DOP1B: variants seen among roughly 807,000 people sequenced by gnomAD.
DOP1B encodes the protein DOP1 leucine zipper like protein B, also known as protein DOP1B.
Under a neutral mutation model 233.5 loss-of-function variants are expected in DOP1B, and 174 were observed. The ratio of observed to expected loss-of-function variants is 0.75; its 90% CI spans 0.66 to 0.85. The LOEUF is 0.85. Among genes scored for constraint, DOP1B ranks in the 40% least tolerant of loss-of-function variants. The probability of loss-of-function intolerance (pLI) is 0.00; values close to 1 mark genes in which losing one functional copy is unlikely to be tolerated. For synonymous variants in DOP1B, 1,190 were observed against 1,185.6 expected, an observed-to-expected ratio of 1.00 and a Z score of -0.08; for missense variants, 2,652 against 2,846.6, an observed-to-expected ratio of 0.93 and a Z score of 1.56.
intron 12 of DOP1B, among the ~76,000 whole-genome samples, chr21:36,227,053 A>G (rs2066694079): frequency 6.6e-6 from 1 of 151,310 alleles, no homozygotes; most frequent in East Asian, 2.0e-4. Context: ...AAAAAAATAC[A>G]AAAAGTTAGC....
intron 21 of DOP1B, 122 bp from the exon 22 acceptor site, chr21:36,251,037 CACA>C (rs2067026715): frequency 2.2e-6 from 3 of 1,344,466 alleles, no homozygotes; most frequent in Non-Finnish European, 3.0e-6. Flanking sequence ...AGCACCTCAG[CACA>C]ACATTGGGCA....
Position 36,290,238 on chromosome 21 carries a change from G to C in DOP1B, c.6515+1032G>C, listed in dbSNP as rs1191189110. The stretch of plus-strand genomic sequence containing the variant: ...AAGTCTTTTAGTTTTTAAAAAGCAG[G>C]TTTGGGCCGGACGTGGTGTCTCATA... On this transcript the variant is annotated intron_variant, in intron 35 of 36. Coordinates refer to ENST00000691173, the MANE Select transcript of DOP1B (RefSeq NM_001320714.2). Among the ~76,000 whole-genome samples, 9 of 152,226 alleles carry C rather than the reference G, an allele frequency of 5.9e-5. No homozygotes were observed. The South Asian group carries it at 1.9e-3, about 31-fold the overall frequency.
At chr21:36,238,817 A>G (rs2066856994) in intron 17 of DOP1B, 116 bp downstream of exon 17, 2 of 989,754 alleles carry the variant, frequency 2.0e-6, no homozygotes, top group Admixed American at 2.0e-5. Flanking sequence ...ACATGAACCC[A>G]TATGACCGGG....
chr21:36,287,600 T>TTTTTC, intron 32 of DOP1B, among the ~76,000 whole-genome samples: 1 of 143,820 alleles, frequency 7.0e-6, no homozygotes, highest in Non-Finnish European at 1.5e-5. Flanking sequence ...TTTTTTTTTT[T>TTTTTC]TTTTGAGATG....
chr21:36,292,601 T>C (rs1415071761), intron 36 of DOP1B, among the ~76,000 whole-genome samples: 1 of 147,038 alleles, frequency 6.8e-6, no homozygotes, highest in Non-Finnish European at 1.5e-5. Context: ...TTTTGTTTTT[T>C]TGTTTTTGGG....
intron 2 of DOP1B, among the ~76,000 whole-genome samples, chr21:36,167,603 G>A (rs1261711437): frequency 6.6e-6 from 1 of 152,130 alleles, no homozygotes; most frequent in Non-Finnish European, 1.5e-5. Flanking sequence ...CAGTTAAGTG[G>A]CCTTTAGTAT....
chr21:36,211,491 C>CT, intron 5 of DOP1B, 62 bp from the exon 6 acceptor site: 1 of 1,481,640 alleles, frequency 6.7e-7, no homozygotes, highest in Non-Finnish European at 9.4e-7. Flanking sequence ...GGAAAGGTTA[C>CT]TTTCGTTTTT....
At position 36,293,723 on chromosome 21, in the gene DOP1B, C is replaced by T; in HGVS notation, c.*152C>T. ...TCAGGCTAGGTGCGGTGGCTCACAC[C>T]TGTAATCTCAGCACTTTGGGAGGCC... On this transcript the variant is annotated 3_prime_UTR_variant, in exon 37 of 37. Transcript: ENST00000691173. 1 of 847,442 alleles carries T rather than the reference C, an allele frequency of 1.2e-6. No homozygotes were observed. The highest frequency in any genetic ancestry group is 1.8e-6 in the Non-Finnish European group (1 of 553,702). 52.5% of individuals were successfully genotyped at this position (847,442 alleles called of 1,614,324 possible). A position where few individuals can be genotyped will look rare whatever the true frequency, so the allele number is the denominator to read the frequency against.
In DOP1B at chr21:36,245,311, G is replaced by A. The variant is rs756941986; in HGVS notation, c.3331G>A (p.Glu1111Lys). The change falls in exon 19 of 37, where the codon GAG becomes AAG. Residue 1111 changes from glutamate to lysine, a missense_variant. Physicochemically the swap from Glu to Lys is moderately conservative, Grantham distance 56. Coordinates refer to ENST00000691173, the MANE Select transcript of DOP1B (RefSeq NM_001320714.2). The surrounding 1 kb of genome is among the most constrained non-coding windows in gnomAD (Gnocchi z 5.5). The stretch of plus-strand genomic sequence containing the variant: ...CGCCCCGGACAGCAGCGAGCACACC[G>A]AGTCTGCAGATACAAGCTCCTGCCA... ...HGAPDSSEHT[E>K]SADTSSCHTD... The A allele has an allele frequency of 1.4e-5, 22 of 1,613,974 alleles. No homozygotes were observed. The highest frequency in any genetic ancestry group is 5.3e-5 in the African/African-American group (4 of 74,940).
chr21:36,292,856 C>T (rs186979316), intron 36 of DOP1B, among the ~76,000 whole-genome samples: 35 of 152,116 alleles, frequency 2.3e-4, no homozygotes, highest in African/African-American at 7.2e-4. Context: ...TCAGGTGATC[C>T]GCCTGCTTCA....
intron 27 of DOP1B, among the ~76,000 whole-genome samples, chr21:36,271,459 A>T (rs2067288822): frequency 6.6e-6 from 1 of 151,998 alleles, no homozygotes; most frequent in African/African-American, 2.4e-5. Flanking sequence ...GTTAGTAAAG[A>T]CAGCGTTTCA....
intron 2 of DOP1B, among the ~76,000 whole-genome samples, chr21:36,189,998 A>C (rs2066212909): frequency 7.9e-6 from 1 of 127,314 alleles, no homozygotes; most frequent in African/African-American, 3.3e-5. Context: ...TGACAGAGCG[A>C]TACTCCGTCT....
At chr21:36,272,131 A>G (rs1004863382) in intron 27 of DOP1B, among the ~76,000 whole-genome samples, 2 of 152,306 alleles carry the variant, frequency 1.3e-5, no homozygotes, top group African/African-American at 2.4e-5. Context: ...AGTGTAAACT[A>G]TCACAGTACC....
chr21:36,272,590 T>C (rs918588390), intron 27 of DOP1B, among the ~76,000 whole-genome samples: 1 of 144,228 alleles, frequency 6.9e-6, no homozygotes, highest in Non-Finnish European at 1.5e-5. Flanking sequence ...GAGGTTGCAG[T>C]GAGCCAAGAT....
At chr21:36,265,012 T>C (rs1482565656) in intron 26 of DOP1B, among the ~76,000 whole-genome samples, 3 of 152,230 alleles carry the variant, frequency 2.0e-5, no homozygotes, top group African/African-American at 7.2e-5. Context: ...TTGGCGATAC[T>C]ACTGCTAATC....
In DOP1B at chr21:36,282,595, G is replaced by A. The variant is rs907227224; in HGVS notation, c.6160+984G>A. Among the ~76,000 whole-genome samples the A allele has an allele frequency of 2.6e-5, 4 of 152,134 alleles. No individual in the cohort carries two copies. In the East Asian group the frequency reaches 7.7e-4, roughly 29 times the overall value. ...TAATCAGCACCTTCAGCTGAGGCCA[G>A]GGAAGGGGCAAGATTTTGGAGAAGG... On this transcript the variant is annotated intron_variant, in intron 32 of 36. Coordinates refer to ENST00000691173, the MANE Select transcript of DOP1B (RefSeq NM_001320714.2).
chr21:36,258,704 A>G (rs1286360666), intron 23 of DOP1B, among the ~76,000 whole-genome samples: 1 of 152,184 alleles, frequency 6.6e-6, no homozygotes, highest in Non-Finnish European at 1.5e-5. Context: ...CTCTATGTGC[A>G]CTGAGTGGTG....
chr21:36,255,595 G>A (rs1236402740), intron 23 of DOP1B, among the ~76,000 whole-genome samples: 1 of 151,764 alleles, frequency 6.6e-6, no homozygotes, highest in Non-Finnish European at 1.5e-5. Context: ...ACCACACCTG[G>A]CTAATTTTTA....
chr21:36,168,411 C>T (rs2065936525), intron 2 of DOP1B, among the ~76,000 whole-genome samples: 1 of 152,124 alleles, frequency 6.6e-6, no homozygotes, highest in Non-Finnish European at 1.5e-5. Flanking sequence ...CATACGGAAA[C>T]GCTATGTTTA....
Sources: gnomAD v4.1 joint callset for allele counts (sites outside exome capture counted in the v4.1 genomes callset) on GRCh38, gnomAD v4.1.1 for gene constraint, Gnocchi (gnomAD v3.1) non-coding constraint, MANE v1.5 for transcripts, NCBI Gene and HGNC (gene_info 2026-07-23, HGNC 2026-07-21) for gene names.